EYS: variants seen among roughly 807,000 people sequenced by gnomAD.
EYS encodes the protein protein eyes shut homolog.
A neutral mutation model predicts 282.1 loss-of-function variants in EYS; 250 were observed. The observed-to-expected ratio is 0.89, with a 90% CI of 0.80 to 0.98. EYS has a LOEUF of 0.98. EYS is among the 50% of genes least tolerant of loss of function. The probability of loss-of-function intolerance (pLI) is 0.00; values close to 1 mark genes in which losing one functional copy is unlikely to be tolerated. For synonymous variants in EYS, 1,355 were observed against 1,282.9 expected (o/e 1.06, Z -1.20); for missense variants, 4,016 against 3,709.0 (o/e 1.08, Z -2.15).
At position 63,747,762 on chromosome 6, in the gene EYS, G is replaced by A. The variant is rs967482701; in HGVS notation, c.8071+14699C>T. On this transcript the variant is annotated intron_variant, in intron 41 of 42. Coordinates refer to ENST00000503581, the MANE Select transcript of EYS (RefSeq NM_001142800.2). ...TCAAGTCTGTTTTATCAGAGACTAG[G>A]ATTGCAACCTCTGCTTATTTTTGCT... Among the ~76,000 whole-genome samples, 5 of 152,008 alleles carry A rather than the reference G, an allele frequency of 3.3e-5. No homozygotes were observed. In the South Asian group the frequency reaches 8.3e-4, roughly 25 times the overall value.
chr6:63,805,570 T>C (rs1046163180), intron 37 of EYS, among the ~76,000 whole-genome samples: 2 of 152,216 alleles, frequency 1.3e-5, no homozygotes, highest in Non-Finnish European at 2.9e-5. Context: ...TGTTTGCCTG[T>C]AGGAATTTTT....
In EYS at chr6:65,012,443, C is replaced by T. The variant is rs142582041; in HGVS notation, c.2138-14740G>A. On this transcript the variant is annotated intron_variant, in intron 13 of 42. Coordinates refer to ENST00000503581, the MANE Select transcript of EYS (RefSeq NM_001142800.2). Reference sequence around the variant, plus strand: ...TAGGTACAAACATAGGTTCTAAAAACGCCTGGCTGAATACTTTAAAGCAGA... The same window carrying T: ...TAGGTACAAACATAGGTTCTAAAAATGCCTGGCTGAATACTTTAAAGCAGA... Among the ~76,000 whole-genome samples the T allele has an allele frequency of 1.2e-3, 190 of 152,238 alleles. 1 individual carries two copies. Among genetic ancestry groups the T allele is most frequent in the African/African-American group, 4.1e-3 (170 of 41,528 alleles).
intron 1 of EYS, among the ~76,000 whole-genome samples, chr6:65,648,795 T>C (rs1163434374): frequency 6.6e-6 from 1 of 152,084 alleles, no homozygotes; most frequent in Non-Finnish European, 1.5e-5. Context: ...AATTGGTGGC[T>C]GAACAACGCA....
intron 41 of EYS, among the ~76,000 whole-genome samples, chr6:63,734,988 T>A (rs1050287663): frequency 1.3e-5 from 2 of 152,092 alleles, no homozygotes; most frequent in Non-Finnish European, 2.9e-5. Flanking sequence ...ATACAAATAT[T>A]TGCTAAATAC....
intron 14 of EYS, among the ~76,000 whole-genome samples, chr6:64,958,518 C>A (rs1257242594): frequency 6.6e-6 from 1 of 151,870 alleles, no homozygotes; most frequent in Non-Finnish European, 1.5e-5. Flanking sequence ...GAGGCCGAGG[C>A]GGGTGGATCA....
At chr6:64,452,657 A>G (rs1039884423) in intron 26 of EYS, among the ~76,000 whole-genome samples, 6 of 152,338 alleles carry the variant, frequency 3.9e-5, no homozygotes, top group African/African-American at 1.4e-4. Flanking sequence ...GTACCAAAAC[A>G]GAGATACAGA....
chr6:65,270,725 C>T (rs1015563174), intron 12 of EYS, among the ~76,000 whole-genome samples: 1 of 151,982 alleles, frequency 6.6e-6, no homozygotes, highest in Non-Finnish European at 1.5e-5. Context: ...ATTGCAACCC[C>T]TACCTTCCAC....
At chr6:64,249,783 G>A (rs144291386) in intron 30 of EYS, among the ~76,000 whole-genome samples, 13 of 152,272 alleles carry the variant, frequency 8.5e-5, no homozygotes, top group African/African-American at 2.9e-4. Flanking sequence ...TGTACTTAAC[G>A]GATAGAGAAT....
At chr6:64,492,705 A>T (rs1172695672) in intron 26 of EYS, among the ~76,000 whole-genome samples, 1 of 151,372 alleles carries the variant, frequency 6.6e-6, no homozygotes, top group Non-Finnish European at 1.5e-5. Flanking sequence ...TACAGCTGGA[A>T]TGGAGGATTA....
At chr6:63,758,635 C>A (rs1033877379) in intron 41 of EYS, among the ~76,000 whole-genome samples, 2 of 152,020 alleles carry the variant, frequency 1.3e-5, no homozygotes, top group African/African-American at 4.8e-5. Flanking sequence ...TGTGATATTC[C>A]TTGGCTGCTA....
intron 2 of EYS, among the ~76,000 whole-genome samples, chr6:65,556,741 C>G (rs1768822476): frequency 6.6e-6 from 1 of 151,972 alleles, no homozygotes; most frequent in Non-Finnish European, 1.5e-5. Context: ...TTAGTTTTTT[C>G]AGGTGTACCT....
chr6:64,394,127 A>C (rs1287134859), intron 28 of EYS, among the ~76,000 whole-genome samples: 1 of 152,206 alleles, frequency 6.6e-6, no homozygotes, highest in African/African-American at 2.4e-5. Context: ...CAATTAAATA[A>C]AAGAGGACAG....
intron 5 of EYS, among the ~76,000 whole-genome samples, chr6:65,488,776 G>T (rs966176936): frequency 1.3e-5 from 2 of 152,060 alleles, no homozygotes; most frequent in Non-Finnish European, 2.9e-5. Flanking sequence ...TACCAAAACA[G>T]ATATATAGAC....
At chr6:64,301,400 A>G (rs1356579958) in intron 30 of EYS, among the ~76,000 whole-genome samples, 1 of 152,170 alleles carries the variant, frequency 6.6e-6, no homozygotes, top group African/African-American at 2.4e-5. Context: ...GATTGCATAG[A>G]CCCAGTCTAT....
intron 10 of EYS, among the ~76,000 whole-genome samples, chr6:65,342,074 C>G (rs1174135882): frequency 6.6e-6 from 1 of 151,062 alleles, no homozygotes; most frequent in African/African-American, 2.4e-5. Flanking sequence ...CTCCACAGAG[C>G]TTTGGCTTAA....
chr6:64,345,044 C>A (rs201594284), intron 29 of EYS, among the ~76,000 whole-genome samples: 1 of 151,080 alleles, frequency 6.6e-6, no homozygotes, highest in Non-Finnish European at 1.5e-5. Context: ...TCAATGAAAT[C>A]AAAGAGGATA....
At chr6:65,278,047 C>CTTTTCTTTTCTTTTCTTTTCTTTTT (rs1562067564) in intron 12 of EYS, among the ~76,000 whole-genome samples, 2 of 142,130 alleles carry the variant, frequency 1.4e-5, no homozygotes, top group African/African-American at 2.6e-5. Flanking sequence ...CTTTTCTTTT[C>CTTTTCTTTTCTTTTCTTTTCTTTTT]TTTTCTTTTC....
chr6:63,741,999 T>C (rs1769087878), intron 41 of EYS: 1 of 701,720 alleles, frequency 1.4e-6, no homozygotes, highest in Non-Finnish European at 2.6e-6. Flanking sequence ...AGAAGGGTCT[T>C]TTTTGTCTGC....
At chr6:65,488,776 G>C (rs966176936) in intron 5 of EYS, among the ~76,000 whole-genome samples, 2 of 152,060 alleles carry the variant, frequency 1.3e-5, no homozygotes, top group African/African-American at 2.4e-5. Context: ...TACCAAAACA[G>C]ATATATAGAC....
Sources: gnomAD v4.1 joint callset for allele counts (sites outside exome capture counted in the v4.1 genomes callset) on GRCh38, gnomAD v4.1.1 for gene constraint, MANE v1.5 for transcripts, NCBI Gene and HGNC (gene_info 2026-07-23, HGNC 2026-07-21) for gene names.